MYO15A: variants seen among roughly 807,000 people sequenced by gnomAD.
The protein encoded by MYO15A is myosin XVA.
Under a neutral mutation model 394.6 loss-of-function variants are expected in MYO15A, and 308 were observed. The observed-to-expected ratio is 0.78, with a 90% confidence interval of 0.71 to 0.86. The LOEUF (loss-of-function observed/expected upper bound fraction) is 0.86. Among genes scored for constraint, MYO15A ranks in the 40% least tolerant of loss-of-function variants. The pLI is 0.00. For missense variants in MYO15A, 4,606 were observed against 4,799.1 expected (o/e 0.96, Z 1.19); for synonymous variants, 1,957 against 2,003.8 (o/e 0.98, Z 0.62).
intron 12 of MYO15A, 84 bp downstream of exon 12, chr17:18,133,470 A>G: frequency 6.5e-7 from 1 of 1,546,084 alleles, no homozygotes; most frequent in Non-Finnish European, 8.8e-7. Context: ...TTTCCCTTTC[A>G]GATTACACTA....
At chr17:18,146,536 A>C (rs549545560) in intron 30 of MYO15A, among the ~76,000 whole-genome samples, 4 of 152,276 alleles carry the variant, frequency 2.6e-5, no homozygotes, top group African/African-American at 7.2e-5. Flanking sequence ...GTTTCCTTAC[A>C]TATCAAATGG....
intron 63 of MYO15A, 141 bp downstream of exon 63, chr17:18,171,912 A>G: frequency 7.1e-7 from 1 of 1,407,446 alleles, no homozygotes; most frequent in Non-Finnish European, 9.5e-7. Flanking sequence ...GCCTGGAGAA[A>G]ACATGTCTTT....
intron 60 of MYO15A, among the ~76,000 whole-genome samples, chr17:18,165,900 C>A (rs140167944): frequency 1.6e-4 from 24 of 152,216 alleles, no homozygotes; most frequent in African/African-American, 4.8e-4. Context: ...TGCCAGGTAC[C>A]TGGCAAGGGG....
chr17:18,145,448 G>A (rs1256537931), intron 29 of MYO15A, among the ~76,000 whole-genome samples: 1 of 152,072 alleles, frequency 6.6e-6, no homozygotes, highest in East Asian at 1.9e-4. Context: ...GCACGGTGGC[G>A]CACACTTGTA....
chr17:18,166,340 C>T, intron 60 of MYO15A, 21 bp from the exon 61 acceptor site: 7 of 1,610,008 alleles, frequency 4.3e-6, no homozygotes, highest in Non-Finnish European at 5.9e-6. Flanking sequence ...CCACCCAGCC[C>T]TGCCTCCCTG....
In MYO15A at chr17:18,121,000, G is replaced by A. The variant is rs1435631082; in HGVS notation, c.2200G>A (p.Asp734Asn). ...PPAVSPEVPPDLLAFPGPRPS... is the reference protein window; with the variant it reads ...PPAVSPEVPPNLLAFPGPRPS... ...TGCCGTGAGCCCGGAGGTGCCCCCC[G>A]ACCTACTAGCCTTCCCAGGGCCCCG... The change falls in exon 2 of 66, where the codon GAC (aspartate) becomes AAC (asparagine). Residue 734 changes from aspartate to asparagine, a missense_variant. Asp to Asn is a conservative substitution (Grantham distance 23). Around this residue, in one of 2 missense-constraint regions of MYO15A, gnomAD observed 1,830 missense variants for 1,689.7 expected, o/e 1.08. Coordinates refer to ENST00000647165, the MANE Select transcript of MYO15A (RefSeq NM_016239.4). 1.7e-5 allele frequency: 25 copies of A among 1,506,874 alleles called. No homozygotes were observed. In the East Asian group the frequency reaches 4.6e-4, roughly 27 times the overall value. The allele number at this position is 1,506,874 out of a possible 1,614,324, so 93.3% of individuals were successfully genotyped here.
intron 10 of MYO15A, 47 bp downstream of exon 10, chr17:18,131,578 G>A (rs752884628): frequency 1.2e-6 from 2 of 1,608,438 alleles, no homozygotes; most frequent in South Asian, 1.1e-5. Context: ...GGTCGGGGTG[G>A]GAGGTACAGA....
Position 18,154,688 on chromosome 17 carries a change from C to T in MYO15A, c.8157C>T (p.His2719=), listed in dbSNP as rs373955726. Residue 2719 remains histidine, a synonymous_variant, in exon 45 of 66, where the codon CAC becomes CAT. Transcript: ENST00000647165. ...ACAGCCTGTTCCCACAGATCCTGCACGACACGCTCTCCGAGGCCTGCCTTC... is the reference window on the plus strand; with the variant it reads ...ACAGCCTGTTCCCACAGATCCTGCATGACACGCTCTCCGAGGCCTGCCTTC... ...QLDLLFRQIL[H]DTLSEACLRI... 1.1e-4 allele frequency: 179 copies of T among 1,613,486 alleles called. No individual in the cohort carries two copies. In the African/African-American group the frequency reaches 2.2e-3, roughly 20 times the overall value.
intron 38 of MYO15A, 94 bp downstream of exon 38, chr17:18,151,007 T>A: frequency 6.2e-7 from 1 of 1,606,524 alleles, no homozygotes; most frequent in Non-Finnish European, 8.5e-7. Context: ...TGTGCCTCTT[T>A]GAGCCCAGGA....
intron 28 of MYO15A, 84 bp from the exon 29 acceptor site, chr17:18,144,413 G>T: frequency 7.9e-7 from 1 of 1,266,302 alleles, no homozygotes; most frequent in Non-Finnish European, 1.1e-6. Flanking sequence ...ATAGGCCTTG[G>T]AGCCCCATGT....
chr17:18,167,426 G>A (rs1267112514), intron 61 of MYO15A, among the ~76,000 whole-genome samples, 164 bp from the exon 62 acceptor site: 1 of 152,246 alleles, frequency 6.6e-6, no homozygotes, highest in East Asian at 1.9e-4. Flanking sequence ...TCACCCTTAT[G>A]TGCTTCTGCC....
chr17:18,125,073 C>A, intron 3 of MYO15A, 95 bp from the exon 4 acceptor site: 1 of 1,165,346 alleles, frequency 8.6e-7, no homozygotes, highest in Non-Finnish European at 1.3e-6. Context: ...TGAATTCAGG[C>A]CTATCTGATC....
In MYO15A at chr17:18,143,855, C is replaced by A. The variant is rs376535801; in HGVS notation, c.6047-15C>A. ...CAGATCAGAGCAGGCACCGCATTCC[C>A]TCCTCTTTCCACAGGCCTCGGGCTG... On this transcript the variant is annotated splice_polypyrimidine_tract_variant and intron_variant, in intron 27 of 65. Transcript: ENST00000647165. 2 of 1,574,710 alleles carry A rather than the reference C, an allele frequency of 1.3e-6. No individual in the cohort carries two copies. Among genetic ancestry groups the A allele is most frequent in the Non-Finnish European group, 1.7e-6 (2 of 1,159,202 alleles).
Position 18,172,236 on chromosome 17 carries a change from T to G in MYO15A, c.10296T>G (p.Pro3432=). Residue 3432 remains proline (P), a synonymous_variant, in exon 64 of 66, where the codon CCT becomes CCG. Coordinates refer to ENST00000647165, the MANE Select transcript of MYO15A (RefSeq NM_016239.4). The part of the protein sequence containing the change: ...QSCSNIAVPA[P]CILAINHNGL... ...GCAGCAACATTGCTGTGCCAGCCCCTTGCATCCTTGCCATCAACCACAATG... is the reference window on the plus strand; with the variant it reads ...GCAGCAACATTGCTGTGCCAGCCCCGTGCATCCTTGCCATCAACCACAATG... 6.2e-7 allele frequency: 1 copy of G among 1,614,218 alleles called. No homozygotes were observed. The highest frequency in any genetic ancestry group is 8.5e-7 in the Non-Finnish European group (1 of 1,180,042).
intron 12 of MYO15A, among the ~76,000 whole-genome samples, chr17:18,134,108 A>G (rs924379066): frequency 2.6e-5 from 4 of 151,294 alleles, no homozygotes; most frequent in South Asian, 2.1e-4. Context: ...CCCTGCCTCA[A>G]CCTCCTGAGT....
intron 7 of MYO15A, among the ~76,000 whole-genome samples, chr17:18,129,874 T>G (rs28407636): frequency 1.3e-5 from 2 of 151,768 alleles, no homozygotes; most frequent in Non-Finnish European, 2.9e-5. Context: ...ATTCCTTTTG[T>G]TTTTTGTTTT....
rs1232663571 is a variant in MYO15A at position 18,151,295 on chromosome 17, G to A, written c.7654+5G>A. The A allele has an allele frequency of 5.6e-6, 9 of 1,614,178 alleles. No homozygotes were observed. The highest frequency in any genetic ancestry group is 7.6e-6 in the Non-Finnish European group (9 of 1,180,024). On this transcript the variant is annotated splice_donor_5th_base_variant and intron_variant, in intron 39 of 65. Coordinates refer to ENST00000647165, the MANE Select transcript of MYO15A (RefSeq NM_016239.4). ...ATCAGGCTTCTCCAGAAACCAGTGA[G>A]TGCCCTATCCCAGCCTCTGGGGCTT...
At chr17:18,129,892 G>A (rs2046120964) in intron 7 of MYO15A, among the ~76,000 whole-genome samples, 1 of 150,882 alleles carries the variant, frequency 6.6e-6, no homozygotes, top group African/African-American at 2.4e-5. Flanking sequence ...TTTTGTTTTT[G>A]TTTTTTTTTA....
Position 18,121,118 on chromosome 17 carries a change from T to C in MYO15A, c.2318T>C (p.Leu773Pro). 1 of 1,506,662 alleles carries C rather than the reference T, an allele frequency of 6.6e-7. No homozygotes were observed. Among genetic ancestry groups the C allele is most frequent in the Non-Finnish European group, 8.8e-7 (1 of 1,132,594 alleles). The allele number at this position is 1,506,662 out of a possible 1,614,324, so 93.3% of individuals were successfully genotyped here. Residue 773 changes from leucine (L) to proline (P), a missense_variant, in exon 2 of 66, where the codon CTG (leucine) becomes CCG (proline). This residue lies in a region of MYO15A where 1,830 missense variants were observed against 1,689.7 expected (regional missense o/e 1.08). Coordinates refer to ENST00000647165, the MANE Select transcript of MYO15A (RefSeq NM_016239.4). This position sits in a 1 kb window ranked among gnomAD's most constrained non-coding sequence, Gnocchi z 5.3. ...TCGCGGAGGCGAGCTTGGTCACCGC[T>C]GGCCTCGCCCCAGCCCTCGCTGAGG... ...RASRRRAWSP[L>P]ASPQPSLRSS...
Sources: allele counts gnomAD v4.1 joint callset (sites outside exome capture counted in the v4.1 genomes callset), GRCh38; gene constraint gnomAD v4.1.1; regional missense constraint gnomAD v4.1.1; non-coding constraint Gnocchi (gnomAD v3.1); transcripts MANE v1.5; gene names NCBI Gene and HGNC (gene_info 2026-07-23, HGNC 2026-07-21).